Variants in ADGB observed in about 807,000 individuals in gnomAD.
The protein encoded by ADGB is calpain-7-like protein.
A neutral mutation model predicts 210.5 loss-of-function variants in ADGB; 172 were observed. The observed-to-expected ratio is 0.82, with a 90% CI of 0.72 to 0.93. The LOEUF (loss-of-function observed/expected upper bound fraction) is 0.93. Ranked by LOEUF, ADGB falls within the 40% of genes least tolerant of loss-of-function variation. ADGB has a pLI of 0.00. For missense variants in ADGB, 2,025 were observed against 1,964.8 expected, an observed-to-expected ratio of 1.03 and a Z score of -0.58; for synonymous variants, 658 against 662.7, an observed-to-expected ratio of 0.99 and a Z score of 0.11.
intron 1 of ADGB, among the ~76,000 whole-genome samples, chr6:146,614,219 C>CCTTCCTT (rs1562255279): frequency 2.1e-5 from 1 of 48,516 alleles, no homozygotes; most frequent in African/African-American, 5.6e-5. Context: ...CTTCCTTCCT[C>CCTTCCTT]CCTTCCTTCC....
chr6:146,691,411 A>ATATAT (rs1776305900), intron 11 of ADGB, 121 bp downstream of exon 11: 2 of 98,244 alleles, frequency 2.0e-5, no homozygotes, highest in African/African-American at 1.2e-4. Flanking sequence ...GCCTATGTTT[A>ATATAT]ATATATATAT....
At chr6:146,774,551 T>A in intron 29 of ADGB, among the ~76,000 whole-genome samples, 1 of 152,318 alleles carries the variant, frequency 6.6e-6, no homozygotes, top group Middle Eastern at 3.4e-3. Context: ...TAGGAAAATT[T>A]TCTGTTTGAA....
At chr6:146,689,033 G>C (rs765700082) in intron 10 of ADGB, among the ~76,000 whole-genome samples, 1 of 152,058 alleles carries the variant, frequency 6.6e-6, no homozygotes, top group African/African-American at 2.4e-5. Context: ...TATTCTAATG[G>C]TTTTAGTTTT....
At chr6:146,643,706 C>T (rs890006911) in intron 2 of ADGB, among the ~76,000 whole-genome samples, 3 of 151,846 alleles carry the variant, frequency 2.0e-5, no homozygotes, top group African/African-American at 7.2e-5. Context: ...TTATGTTATG[C>T]AGATGTTCAC....
At chr6:146,749,874 G>A (rs963821257) in intron 26 of ADGB, among the ~76,000 whole-genome samples, 12 of 152,070 alleles carry the variant, frequency 7.9e-5, no homozygotes, top group African/African-American at 2.9e-4. Context: ...CAAACAACCA[G>A]ATCTCATGAG....
chr6:146,746,408 G>T (rs1456393329), intron 26 of ADGB, among the ~76,000 whole-genome samples: 1 of 151,980 alleles, frequency 6.6e-6, no homozygotes, highest in African/African-American at 2.4e-5. Context: ...TCCATCTCTG[G>T]CTAGTATTTT....
chr6:146,639,374 C>T (rs144210249), intron 2 of ADGB: 45 of 151,886 alleles, frequency 3.0e-4, no homozygotes, highest in African/African-American at 1.1e-3. Context: ...AGGAACATAC[C>T]TCAAAATAAA....
chr6:146,693,396 G>C (rs2114925144), intron 12 of ADGB, among the ~76,000 whole-genome samples: 1 of 152,182 alleles, frequency 6.6e-6, no homozygotes, highest in East Asian at 1.9e-4. Flanking sequence ...GAAGGCAGCT[G>C]TTGGCAGGCA....
In ADGB at chr6:146,740,604, T is replaced by A; in HGVS notation, c.3023+11T>A. ...GTTTATAGTATTCAGGTGAGGTTGT[T>A]ATATAGTGACAAATATGTCTCTAAA... is the stretch of plus-strand genomic sequence containing the variant. On this transcript the variant is annotated intron_variant, in intron 24 of 35. Transcript: ENST00000397944. 6.5e-7 allele frequency: 1 copy of A among 1,548,460 alleles called. No individual in the cohort carries two copies. The highest frequency in any genetic ancestry group is 8.7e-7 in the Non-Finnish European group (1 of 1,145,810).
At chr6:146,812,961 T>C (rs1778324121) in intron 35 of ADGB, among the ~76,000 whole-genome samples, 1 of 152,228 alleles carries the variant, frequency 6.6e-6, no homozygotes, top group Non-Finnish European at 1.5e-5. Context: ...GCCTCCAGGC[T>C]CTCCAGGCTT....
At chr6:146,814,005 A>AT (rs1778342770) in intron 35 of ADGB, among the ~76,000 whole-genome samples, 1 of 80,660 alleles carries the variant, frequency 1.2e-5, no homozygotes, top group Non-Finnish European at 2.2e-5. Flanking sequence ...ACTCTCCTTA[A>AT]AATCTCTCTC....
intron 28 of ADGB, among the ~76,000 whole-genome samples, chr6:146,766,414 GAGGCTCT>G: frequency 6.9e-6 from 1 of 145,804 alleles, no homozygotes; most frequent in East Asian, 2.0e-4. Context: ...GCGACAGAGC[GAGGCTCT>G]GTCTCAGTAA....
Position 146,741,417 on chromosome 6 carries a change from A to G in ADGB, c.3177+146A>G, listed in dbSNP as rs1777162329. ...TGATCTTTCACTATAGAAGTCCCAT[A>G]TATTTAACAGTAGGAGATATTAAAT... On this transcript the variant is annotated intron_variant, in intron 25 of 35. Transcript: ENST00000397944. 9.2e-6 allele frequency: 6 copies of G among 649,178 alleles called. No homozygotes were observed. The South Asian group carries it at 1.2e-4, about 13-fold the overall frequency. 40.2% of individuals were successfully genotyped at this position (649,178 alleles called of 1,614,324 possible). A position where few individuals can be genotyped will look rare whatever the true frequency, so the allele number is the denominator to read the frequency against.
intron 5 of ADGB, among the ~76,000 whole-genome samples, chr6:146,663,131 TTA>T (rs999252225): frequency 2.0e-4 from 28 of 140,552 alleles, no homozygotes; most frequent in South Asian, 1.7e-3. Context: ...AAATATATAA[TTA>T]TATATATAAT....
At chr6:146,694,827 G>A (rs1776382347) in intron 12 of ADGB, among the ~76,000 whole-genome samples, 1 of 152,074 alleles carries the variant, frequency 6.6e-6, no homozygotes, top group Non-Finnish European at 1.5e-5. Context: ...AAAGCCAGTG[G>A]AATTTCTATT....
chr6:146,782,311 A>G, intron 30 of ADGB, 119 bp downstream of exon 30: 3 of 1,041,194 alleles, frequency 2.9e-6, no homozygotes, highest in Non-Finnish European at 4.0e-6. Flanking sequence ...GATTCCAGAA[A>G]CCATCTAGAT....
At chr6:146,759,700 G>A (rs902317644) in intron 27 of ADGB, among the ~76,000 whole-genome samples, 1 of 151,724 alleles carries the variant, frequency 6.6e-6, no homozygotes. Context: ...ATGAATGGGT[G>A]CATGCATTGT....
chr6:146,703,426 T>G lies in ADGB; in HGVS notation c.1707+2356T>G, dbSNP rs147880902. Among the ~76,000 whole-genome samples, 145 of 151,924 alleles carry G rather than the reference T, an allele frequency of 9.5e-4. 2 individuals carry two copies. The East Asian group carries it at 9.9e-3, about 10-fold the overall frequency. The stretch of plus-strand genomic sequence containing the variant: ...GTCTTATCAATTTTCAAGAATACAT[T>G]AACTATAGACCCCGTGTTGCAAATC... On this transcript the variant is annotated intron_variant, in intron 13 of 35. Coordinates refer to ENST00000397944, the MANE Select transcript of ADGB (RefSeq NM_024694.4).
At chr6:146,653,789 C>T (rs1341104116) in intron 3 of ADGB, among the ~76,000 whole-genome samples, 4 of 152,040 alleles carry the variant, frequency 2.6e-5, no homozygotes, top group Admixed American at 6.6e-5. Context: ...TATTTTACTC[C>T]TATAGTAAAA....
Sources: allele counts gnomAD v4.1 joint callset (sites outside exome capture counted in the v4.1 genomes callset), GRCh38; gene constraint gnomAD v4.1.1; transcripts MANE v1.5; gene names NCBI Gene and HGNC (gene_info 2026-07-23, HGNC 2026-07-21).